The following ARHGAP15 variants were observed in gnomAD, a reference collection of about 807,000 sequenced individuals.
ARHGAP15 encodes the protein rho GTPase-activating protein 15.
A neutral mutation model predicts 63.7 loss-of-function variants in ARHGAP15; 51 were observed. The observed-to-expected ratio is 0.80, with a 90% CI of 0.64 to 1.01. The LOEUF (loss-of-function observed/expected upper bound fraction) is 1.01, where lower values mean the gene tolerates loss of function less well. Among genes scored for constraint, ARHGAP15 ranks in the 50% least tolerant of loss-of-function variants. The probability of loss-of-function intolerance (pLI) is 0.00; values close to 1 mark genes in which losing one functional copy is unlikely to be tolerated. For synonymous variants in ARHGAP15, 191 were observed against 193.8 expected, an observed-to-expected ratio of 0.99 and a Z score of 0.12; for missense variants, 560 against 564.6, an observed-to-expected ratio of 0.99 and a Z score of 0.08.
intron 5 of ARHGAP15, chr2:143,235,911 G>C (rs777104092): frequency 1.3e-6 from 2 of 1,529,874 alleles, no homozygotes; most frequent in Non-Finnish European, 1.8e-6. Context: ...TTTGCAGCTT[G>C]ACTCCTAAGT....
At chr2:143,330,118 AAAAAAAAAAAAAACC>A (rs1684463834) in intron 6 of ARHGAP15, among the ~76,000 whole-genome samples, 8 of 60,608 alleles carry the variant, frequency 1.3e-4, no homozygotes, top group East Asian at 6.6e-4. Flanking sequence ...AAAAAAAAAA[AAAAAAAAAAAAAACC>A]AAAAACAAAA....
chr2:143,476,886 CAG>C (rs770945276), intron 8 of ARHGAP15, among the ~76,000 whole-genome samples: 7 of 152,132 alleles, frequency 4.6e-5, no homozygotes, highest in African/African-American at 1.7e-4. Flanking sequence ...TTATAATAAA[CAG>C]AGAGGAAGGC....
chr2:143,233,532 A>G (rs558634774), intron 5 of ARHGAP15, among the ~76,000 whole-genome samples: 1 of 151,762 alleles, frequency 6.6e-6, no homozygotes, highest in Non-Finnish European at 1.5e-5. Flanking sequence ...CTACAGTTTC[A>G]TCATGATGCA....
intron 6 of ARHGAP15, among the ~76,000 whole-genome samples, chr2:143,407,136 A>G (rs1201472268): frequency 3.3e-5 from 5 of 151,902 alleles, no homozygotes; most frequent in Admixed American, 6.6e-5. Flanking sequence ...GAATATTGAA[A>G]GTTTATTTCA....
In ARHGAP15 at chr2:143,265,928, A is replaced by G. The variant is rs1337978340; in HGVS notation, c.474+15328A>G. Reference sequence around the variant, plus strand: ...TTAAATTAAAATTTAAAGTTTCAATAAAATATATTATTTCTAAATCTATTT... The same window carrying G: ...TTAAATTAAAATTTAAAGTTTCAATGAAATATATTATTTCTAAATCTATTT... On this transcript the variant is annotated intron_variant, in intron 6 of 13. Coordinates refer to ENST00000295095, the MANE Select transcript of ARHGAP15 (RefSeq NM_018460.4). 2.6e-5 allele frequency among the ~76,000 whole-genome samples: 4 copies of G among 152,148 alleles called. No homozygotes were observed. The East Asian group carries it at 5.8e-4, about 22-fold the overall frequency.
At chr2:143,402,924 AT>A (rs1490648971) in intron 6 of ARHGAP15, among the ~76,000 whole-genome samples, 1 of 151,784 alleles carries the variant, frequency 6.6e-6, no homozygotes, top group Non-Finnish European at 1.5e-5. Context: ...GACAACCTAT[AT>A]TTTTCTTATA....
At chr2:143,572,071 C>T (rs751786133) in intron 11 of ARHGAP15, 1 of 152,152 alleles carries the variant, frequency 6.6e-6, no homozygotes, top group Non-Finnish European at 1.5e-5. Flanking sequence ...TTTCATATGC[C>T]ACTTCTCTCC....
intron 13 of ARHGAP15, among the ~76,000 whole-genome samples, chr2:143,736,393 T>C (rs1685746382): frequency 7.0e-6 from 1 of 143,572 alleles, no homozygotes; most frequent in Non-Finnish European, 1.5e-5. Context: ...CGAAACTCTG[T>C]CAAAAAAAAA....
intron 11 of ARHGAP15, chr2:143,608,292 G>A (rs934156405): frequency 6.6e-6 from 1 of 152,148 alleles, no homozygotes. Context: ...TACTTGGTGG[G>A]GGACTGGGAG....
At chr2:143,704,008 G>GAAAAAAAAAAAAAA (rs111878424) in intron 13 of ARHGAP15, 1 of 135,630 alleles carries the variant, frequency 7.4e-6, no homozygotes, top group Non-Finnish European at 1.5e-5. Flanking sequence ...AGTCTTCCAG[G>GAAAAAAAAAAAAAA]AAAAAAAAAA....
intron 12 of ARHGAP15, among the ~76,000 whole-genome samples, chr2:143,675,038 A>G (rs1682756842): frequency 6.6e-6 from 1 of 152,226 alleles, no homozygotes; most frequent in Non-Finnish European, 1.5e-5. Context: ...TCAAAATGGG[A>G]GTCAATCCTC....
chr2:143,382,786 C>T (rs1687117453), intron 6 of ARHGAP15, among the ~76,000 whole-genome samples: 2 of 152,196 alleles, frequency 1.3e-5, no homozygotes, highest in South Asian at 4.1e-4. Flanking sequence ...TTGTCTGCGA[C>T]TTTTCTGTGC....
intron 6 of ARHGAP15, among the ~76,000 whole-genome samples, chr2:143,294,134 A>C (rs1316583057): frequency 6.6e-6 from 1 of 152,066 alleles, no homozygotes; most frequent in African/African-American, 2.4e-5. Flanking sequence ...ATTCTAAGAC[A>C]GTCTCTGTTG....
At chr2:143,369,400 T>C (rs1686444393) in intron 6 of ARHGAP15, among the ~76,000 whole-genome samples, 2 of 152,162 alleles carry the variant, frequency 1.3e-5, no homozygotes, top group Non-Finnish European at 2.9e-5. Flanking sequence ...AAATATATTT[T>C]CTGCTTTTTC....
intron 12 of ARHGAP15, among the ~76,000 whole-genome samples, chr2:143,643,161 T>G (rs753540246): frequency 4.6e-5 from 7 of 151,988 alleles, no homozygotes; most frequent in Non-Finnish European, 7.4e-5. Flanking sequence ...AACCCATGTT[T>G]TAGAGAAGAT....
chr2:143,399,873 T>G (rs140140979), intron 6 of ARHGAP15, among the ~76,000 whole-genome samples: 30 of 152,154 alleles, frequency 2.0e-4, no homozygotes, highest in African/African-American at 7.2e-4. Context: ...TCCTTCCAAC[T>G]TCAAAATGTG....
chr2:143,545,415 G>T (rs1199729133), intron 10 of ARHGAP15, among the ~76,000 whole-genome samples: 1 of 152,028 alleles, frequency 6.6e-6, no homozygotes, highest in African/African-American at 2.4e-5. Flanking sequence ...TTACCTTCAG[G>T]GCAGAGTTAG....
intron 6 of ARHGAP15, among the ~76,000 whole-genome samples, chr2:143,354,328 G>T (rs894665299): frequency 6.6e-6 from 1 of 152,142 alleles, no homozygotes; most frequent in African/African-American, 2.4e-5. Flanking sequence ...CTCATTGAAA[G>T]CAAAGAAGCA....
At chr2:143,252,926 A>G (rs1319645788) in intron 6 of ARHGAP15, among the ~76,000 whole-genome samples, 5 of 152,114 alleles carry the variant, frequency 3.3e-5, no homozygotes, top group Admixed American at 2.6e-4. Flanking sequence ...TCTTAAAAAC[A>G]TGGTATTAAG....
Sources: gnomAD v4.1 joint callset for allele counts (sites outside exome capture counted in the v4.1 genomes callset) on GRCh38, gnomAD v4.1.1 for gene constraint, MANE v1.5 for transcripts, NCBI Gene and HGNC (gene_info 2026-07-23, HGNC 2026-07-21) for gene names.